The following CUL3 variants were observed in gnomAD, a reference collection of about 807,000 sequenced individuals.
CUL3 encodes cullin-3.
Under a neutral mutation model 89.1 loss-of-function variants are expected in CUL3, and 19 were observed. That is an observed-to-expected ratio of 0.21 (90% CI 0.15 to 0.31). The LOEUF (loss-of-function observed/expected upper bound fraction) is 0.31. Ranked by LOEUF, CUL3 falls within the 10% of genes least tolerant of loss-of-function variation. CUL3 has a pLI of 1.00. For missense variants in CUL3, 469 were observed against 942.3 expected, an observed-to-expected ratio of 0.50 and a Z score of 6.58; for synonymous variants, 351 against 308.4, an observed-to-expected ratio of 1.14 and a Z score of -1.45.
chr2:224,483,473 TAGA>T (rs1370304314), intron 13 of CUL3, among the ~76,000 whole-genome samples: 1 of 152,170 alleles, frequency 6.6e-6, no homozygotes, highest in African/African-American at 2.4e-5. Flanking sequence ...ATCTTTCTAT[TAGA>T]GTTAGGAACA....
chr2:224,472,031 T>A lies in CUL3; in HGVS notation c.*2214A>T. 1 of 231,238 alleles carries A rather than the reference T, an allele frequency of 4.3e-6. No individual in the cohort carries two copies. Among genetic ancestry groups the A allele is most frequent in the Non-Finnish European group, 8.6e-6 (1 of 116,770 alleles). The allele number at this position is 231,238 out of a possible 1,614,324, so 14.3% of individuals were successfully genotyped here. On this transcript the variant is annotated 3_prime_UTR_variant, in exon 16 of 16. Transcript: ENST00000264414. The stretch of plus-strand genomic sequence containing the variant: ...TAAATGTATTTTGTTATAACCTTTA[T>A]GACCTAAAATAATACTTATGCAGTC...
At chr2:224,525,944 T>C (rs1693457053) in intron 3 of CUL3, among the ~76,000 whole-genome samples, 2 of 152,210 alleles carry the variant, frequency 1.3e-5, no homozygotes, top group African/African-American at 2.4e-5. Context: ...ATTCCATAGA[T>C]AGGTTTCAGG....
rs1691096158 is a variant in CUL3, at chr2:224,470,629, T to C, written c.*3616A>G. On this transcript the variant is annotated 3_prime_UTR_variant, in exon 16 of 16. Coordinates refer to ENST00000264414, the MANE Select transcript of CUL3 (RefSeq NM_003590.5). ...TATCTGTGGTACCCACTTAAGTATG[T>C]AAAACTTTCTCTAAGATTGTAGGAG... is the stretch of plus-strand genomic sequence containing the variant. 4.3e-6 allele frequency: 1 copy of C among 231,814 alleles called. No individual in the cohort carries two copies. The highest frequency in any genetic ancestry group is 8.5e-6 in the Non-Finnish European group (1 of 117,242). 14.4% of individuals were successfully genotyped at this position (231,814 alleles called of 1,614,324 possible). A position where few individuals can be genotyped will look rare whatever the true frequency, so the allele number is the denominator to read the frequency against.
chr2:224,481,774 C>T (rs538019494), intron 14 of CUL3, 118 bp downstream of exon 14: 2 of 623,232 alleles, frequency 3.2e-6, no homozygotes, highest in Non-Finnish European at 4.9e-6. Flanking sequence ...TTTCTTAAGC[C>T]TAAGTATCAT....
chr2:224,510,599 C>A (rs565205323), intron 6 of CUL3, among the ~76,000 whole-genome samples: 6 of 151,964 alleles, frequency 3.9e-5, no homozygotes, highest in Non-Finnish European at 7.4e-5. Context: ...AACAAAGTAC[C>A]ATGTTTTTTA....
chr2:224,495,958 T>C lies in CUL3; in HGVS notation c.1716A>G (p.Gly572=). ...TFYGPVKKED[G]SEVGVGGAQV... ...GTGCACCTCCAACACCAACTTCAGA[T>C]CCATCTTCCTGTTTCATTTTTAAAA... Residue 572 remains glycine (G), a synonymous_variant, in exon 13 of 16, where the codon GGA becomes GGG. Coordinates refer to ENST00000264414, the MANE Select transcript of CUL3 (RefSeq NM_003590.5). The C allele has an allele frequency of 6.2e-7, 1 of 1,608,500 alleles. No individual in the cohort carries two copies. Among genetic ancestry groups the C allele is most frequent in the Non-Finnish European group, 8.5e-7 (1 of 1,178,702 alleles).
chr2:224,536,712 G>C (rs1369193887), intron 2 of CUL3, among the ~76,000 whole-genome samples: 1 of 152,108 alleles, frequency 6.6e-6, no homozygotes, highest in Non-Finnish European at 1.5e-5. Flanking sequence ...GACTATTCAA[G>C]ACTTCAAAAA....
chr2:224,536,385 A>G (rs1328097002), intron 2 of CUL3, among the ~76,000 whole-genome samples: 1 of 151,882 alleles, frequency 6.6e-6, no homozygotes, highest in Non-Finnish European at 1.5e-5. Context: ...ATTACTTCAA[A>G]GAAAGCCTAG....
chr2:224,490,095 TA>T (rs1343192652), intron 13 of CUL3, among the ~76,000 whole-genome samples: 1 of 152,154 alleles, frequency 6.6e-6, no homozygotes, highest in Non-Finnish European at 1.5e-5. Flanking sequence ...CAAACATGAA[TA>T]AAAGCTCATC....
chr2:224,577,555 C>T (rs1695330847), intron 1 of CUL3, among the ~76,000 whole-genome samples: 1 of 127,648 alleles, frequency 7.8e-6, no homozygotes, highest in African/African-American at 3.3e-5. Context: ...GGTGACAGAG[C>T]GGAGACTCTG....
At chr2:224,540,238 G>T (rs1034909022) in intron 2 of CUL3, among the ~76,000 whole-genome samples, 13 of 151,850 alleles carry the variant, frequency 8.6e-5, no homozygotes, top group Admixed American at 6.6e-5. Flanking sequence ...TGTATTTTTA[G>T]TAGAGACAAC....
At chr2:224,542,275 T>A (rs1159489985) in intron 2 of CUL3, among the ~76,000 whole-genome samples, 2 of 152,186 alleles carry the variant, frequency 1.3e-5, no homozygotes, top group Non-Finnish European at 2.9e-5. Context: ...CTCGCATTTT[T>A]AAAAATTAAA....
chr2:224,577,580 A>T (rs1234311723), intron 1 of CUL3, among the ~76,000 whole-genome samples: 1 of 152,050 alleles, frequency 6.6e-6, no homozygotes, highest in African/African-American at 2.4e-5. Context: ...AAAAAAAAAA[A>T]AAAAGGTGAT....
intron 2 of CUL3, among the ~76,000 whole-genome samples, chr2:224,551,582 G>A (rs1199336931): frequency 6.6e-6 from 1 of 151,020 alleles, no homozygotes; most frequent in Non-Finnish European, 1.5e-5. Context: ...GGCCTCAGGT[G>A]TTCCTGCCAC....
Position 224,484,234 on chromosome 2 carries a change from A to AC in CUL3, c.1843-2157dup, listed in dbSNP as rs1249338535. ...TGCTTTCAAGTTGCTTAACAATTTAACCCCCCACAAAAATAGTATATGAAT... is the reference window on the plus strand; with the variant it reads ...TGCTTTCAAGTTGCTTAACAATTTAACCCCCCCACAAAAATAGTATATGAAT... On this transcript the variant is annotated intron_variant, in intron 13 of 15. Transcript: ENST00000264414. Among the ~76,000 whole-genome samples, 5 of 151,924 alleles carry AC rather than the reference A, an allele frequency of 3.3e-5. No homozygotes were observed. The East Asian group carries it at 5.8e-4, about 18-fold the overall frequency.
intron 1 of CUL3, among the ~76,000 whole-genome samples, chr2:224,582,220 G>C (rs1695458386): frequency 6.6e-6 from 1 of 152,134 alleles, no homozygotes; most frequent in Admixed American, 6.5e-5. Flanking sequence ...ACCTGCCTCG[G>C]CCTCCCAAAG....
chr2:224,477,886 A>T (rs1389948663), intron 15 of CUL3, among the ~76,000 whole-genome samples: 1 of 152,258 alleles, frequency 6.6e-6, no homozygotes, highest in East Asian at 1.9e-4. Context: ...ATGAATGGTA[A>T]CCATTATTAA....
intron 8 of CUL3, among the ~76,000 whole-genome samples, chr2:224,505,202 ATCTTG>A (rs1459446998): frequency 6.8e-6 from 1 of 147,266 alleles, no homozygotes; most frequent in Non-Finnish European, 1.5e-5. Context: ...CAGTGGCGTC[ATCTTG>A]GCTCACTGCA....
chr2:224,519,386 C>A (rs192871955), intron 3 of CUL3, among the ~76,000 whole-genome samples: 2 of 152,188 alleles, frequency 1.3e-5, no homozygotes, highest in Non-Finnish European at 2.9e-5. Flanking sequence ...GGGTAAGAGA[C>A]AAAATCAACC....
Sources: allele counts gnomAD v4.1 joint callset (sites outside exome capture counted in the v4.1 genomes callset), GRCh38; gene constraint gnomAD v4.1.1; transcripts MANE v1.5; gene names NCBI Gene and HGNC (gene_info 2026-07-23, HGNC 2026-07-21).